Variants in KIF13B observed in about 807,000 individuals in gnomAD.
The protein encoded by KIF13B is kinesin-like protein KIF13B.
A neutral mutation model predicts 222.0 loss-of-function variants in KIF13B; 127 were observed. That is an observed-to-expected ratio of 0.57 (90% CI 0.50 to 0.66). The LOEUF (loss-of-function observed/expected upper bound fraction) is 0.66, where lower values mean the gene tolerates loss of function less well. KIF13B is among the 30% of genes least tolerant of loss of function. The pLI, the probability that KIF13B is intolerant of heterozygous loss-of-function variation, is 0.00. For synonymous variants in KIF13B, 976 were observed against 919.0 expected (o/e 1.06, Z -1.12); for missense variants, 2,173 against 2,379.0 (o/e 0.91, Z 1.80).
At chr8:29,110,118 C>T in intron 32 of KIF13B, 48 bp from the exon 33 acceptor site, 2 of 1,454,812 alleles carry the variant, frequency 1.4e-6, no homozygotes, top group Non-Finnish European at 1.9e-6. Flanking sequence ...GATGTACACA[C>T]ACACACGTAC....
chr8:29,160,595 C>G, intron 13 of KIF13B, 138 bp downstream of exon 13: 1 of 574,806 alleles, frequency 1.7e-6, no homozygotes, highest in Non-Finnish European at 2.7e-6. Context: ...AAAAAGAAAA[C>G]TGAGTCCAGA....
rs373624764 is a variant in KIF13B, at chr8:29,132,454, A to G, written c.2796T>C (p.Val932=). 2.2e-5 allele frequency: 33 copies of G among 1,521,022 alleles called. No individual in the cohort carries two copies. In the African/African-American group the frequency reaches 4.7e-4, roughly 21 times the overall value. 94.2% of individuals were successfully genotyped at this position (1,521,022 alleles called of 1,614,324 possible). A position where few individuals can be genotyped will look rare whatever the true frequency, so the allele number is the denominator to read the frequency against. Residue 932 remains valine (V), a synonymous_variant, in exon 23 of 40, where the codon GTT becomes GTC. Transcript: ENST00000524189. ...VVFDHCNEFS[V]NITEDFIEHL... ...GCTCGATAAAGTCTTCGGTGATGTT[A>G]ACAGAAAACTCCTGAAACACAACAG...
At chr8:29,260,230 C>T (rs993006450) in intron 1 of KIF13B, among the ~76,000 whole-genome samples, 19 of 152,224 alleles carry the variant, frequency 1.2e-4, no homozygotes, top group Admixed American at 1.1e-3. Flanking sequence ...CAGCTAACCA[C>T]CTTAAAACTC....
At chr8:29,179,916 G>T in intron 8 of KIF13B, among the ~76,000 whole-genome samples, 188 bp downstream of exon 8, 1 of 152,092 alleles carries the variant, frequency 6.6e-6, no homozygotes, top group Non-Finnish European at 1.5e-5. Flanking sequence ...AACAACCCTG[G>T]AATGACCTGC....
Position 29,071,348 on chromosome 8 carries a change from C to G in KIF13B, c.5218+272G>C, listed in dbSNP as rs139351461. Among the ~76,000 whole-genome samples, 1 of 151,996 alleles carries G rather than the reference C, an allele frequency of 6.6e-6. No individual in the cohort carries two copies. Among genetic ancestry groups the G allele is most frequent in the Non-Finnish European group, 1.5e-5 (1 of 67,958 alleles). On this transcript the variant is annotated intron_variant, in intron 39 of 39. Coordinates refer to ENST00000524189, the MANE Select transcript of KIF13B (RefSeq NM_015254.4). This position sits in a 1 kb window ranked among gnomAD's most constrained non-coding sequence, Gnocchi z 4.9. ...AGGGAGTGCAGAGGGCAGGGGAGAC[C>G]GGAACAAAAGCGGGAACAGCCATGG...
rs372723868 is a variant in KIF13B, at chr8:29,140,174, G to A, written c.2502C>T (p.His834=). The change falls in exon 21 of 40, where the codon CAC becomes CAT. Residue 834 remains histidine, a synonymous_variant. Coordinates refer to ENST00000524189, the MANE Select transcript of KIF13B (RefSeq NM_015254.4). ...CACCACTGAGTCGCATCACCTCCAC[G>A]TGCAGCCGACCTGCCACCTGCAGCA... The part of the protein sequence containing the change: ...NQKGEVAGRL[H]VEVMRLSGDV... 311 of 1,613,468 alleles carry A rather than the reference G, an allele frequency of 1.9e-4. 1 individual carries two copies. Among genetic ancestry groups the A allele is most frequent in the Middle Eastern group, 6.6e-4 (4 of 6,084 alleles).
chr8:29,187,937 C>T (rs1813013314), intron 5 of KIF13B, among the ~76,000 whole-genome samples: 1 of 152,204 alleles, frequency 6.6e-6, no homozygotes, highest in Non-Finnish European at 1.5e-5. Context: ...TGGCCAGCTG[C>T]AGGAGCAGGA....
At chr8:29,077,613 G>C (rs983044798) in intron 37 of KIF13B, among the ~76,000 whole-genome samples, 1 of 152,162 alleles carries the variant, frequency 6.6e-6, no homozygotes, top group African/African-American at 2.4e-5. Context: ...GATGTTAAGC[G>C]CCTAACATGA....
At chr8:29,240,137 A>ATT (rs145646100) in intron 2 of KIF13B, among the ~76,000 whole-genome samples, 2 of 148,296 alleles carry the variant, frequency 1.3e-5, no homozygotes, top group African/African-American at 2.5e-5. Context: ...TCCTTTTAAC[A>ATT]TTTTTTTTTT....
Position 29,165,786 on chromosome 8 carries a change from G to A in KIF13B, c.1159-14C>T. ...AGATTTCATTGCCTACAAGCAAAAT[G>A]TTTACTTCATGAAATGTCTAGAAGA... On this transcript the variant is annotated splice_polypyrimidine_tract_variant and intron_variant, in intron 11 of 39. Coordinates refer to ENST00000524189, the MANE Select transcript of KIF13B (RefSeq NM_015254.4). 1 of 1,562,468 alleles carries A rather than the reference G, an allele frequency of 6.4e-7. No homozygotes were observed. The highest frequency in any genetic ancestry group is 8.8e-7 in the Non-Finnish European group (1 of 1,133,432).
intron 1 of KIF13B, among the ~76,000 whole-genome samples, chr8:29,253,552 T>C (rs1816358145): frequency 6.6e-6 from 1 of 151,942 alleles, no homozygotes; most frequent in African/African-American, 2.4e-5. Flanking sequence ...TGAGACTCCA[T>C]CTCTAAACAA....
At chr8:29,187,962 G>A (rs1369749620) in intron 5 of KIF13B, among the ~76,000 whole-genome samples, 1 of 152,126 alleles carries the variant, frequency 6.6e-6, no homozygotes. Flanking sequence ...AGCTGTCGCC[G>A]CCTGGCCCCA....
rs1441356461 is a variant in KIF13B, at chr8:29,124,142, A to G, written c.3253-19T>C. The G allele has an allele frequency of 2.9e-6, 4 of 1,367,506 alleles. No homozygotes were observed. The African/African-American group carries it at 4.3e-5, about 15-fold the overall frequency. 84.7% of individuals were successfully genotyped at this position (1,367,506 alleles called of 1,614,324 possible). On this transcript the variant is annotated intron_variant, in intron 26 of 39. Transcript: ENST00000524189. Reference sequence around the variant, plus strand: ...CTCGATCCTGGAAGCAAGCAAGGAAAATCATATTCAATGTAATGTCAAGAT... The same window carrying G: ...CTCGATCCTGGAAGCAAGCAAGGAAGATCATATTCAATGTAATGTCAAGAT...
At chr8:29,141,273 G>C (rs1810806306) in intron 19 of KIF13B, among the ~76,000 whole-genome samples, 1 of 151,758 alleles carries the variant, frequency 6.6e-6, no homozygotes, top group Non-Finnish European at 1.5e-5. Context: ...GGCAGAGGAG[G>C]CAGTGAGCCA....
Position 29,137,581 on chromosome 8 carries a change from A to G in KIF13B, c.2613+2482T>C, listed in dbSNP as rs146239847. Among the ~76,000 whole-genome samples, 49 of 152,332 alleles carry G rather than the reference A, an allele frequency of 3.2e-4. 1 individual carries two copies. The East Asian group carries it at 9.2e-3, about 29-fold the overall frequency. Reference sequence around the variant, plus strand: ...ACTTCTTTGGGGGCTAATTACACTCACCACGCATGACATCTTAACTGTCTC... The same window carrying G: ...ACTTCTTTGGGGGCTAATTACACTCGCCACGCATGACATCTTAACTGTCTC... On this transcript the variant is annotated intron_variant, in intron 21 of 39. Transcript: ENST00000524189.
rs79423110 is a variant in KIF13B at position 29,208,435 on chromosome 8, T to C, written c.150-12236A>G. On this transcript the variant is annotated intron_variant, in intron 2 of 39. Transcript: ENST00000524189. ...TAAATAAAATGAAATCTGTGGTCCATGGTTGGGCCTCAGTGGGTCTGTGAA... is the reference window on the plus strand; with the variant it reads ...TAAATAAAATGAAATCTGTGGTCCACGGTTGGGCCTCAGTGGGTCTGTGAA... 5.2e-3 allele frequency among the ~76,000 whole-genome samples: 792 copies of C among 152,350 alleles called. 9 individuals are homozygous for C. Among genetic ancestry groups the C allele is most frequent in the African/African-American group, 0.018 (734 of 41,582 alleles).
intron 2 of KIF13B, among the ~76,000 whole-genome samples, chr8:29,201,203 A>G (rs1458220472): frequency 6.6e-6 from 1 of 152,230 alleles, no homozygotes; most frequent in Non-Finnish European, 1.5e-5. Context: ...GTGGATGACC[A>G]TGGATGAATG....
intron 2 of KIF13B, among the ~76,000 whole-genome samples, chr8:29,197,445 C>A (rs2130389545): frequency 6.6e-6 from 1 of 151,848 alleles, no homozygotes; most frequent in Non-Finnish European, 1.5e-5. Context: ...GCCCATAGAC[C>A]TTTCCTGCCA....
intron 2 of KIF13B, among the ~76,000 whole-genome samples, chr8:29,197,178 A>C: frequency 6.6e-6 from 1 of 151,316 alleles, no homozygotes; most frequent in Non-Finnish European, 1.5e-5. Context: ...TCTACTAAAA[A>C]TACAAAAAAT....
Sources: allele counts gnomAD v4.1 joint callset (sites outside exome capture counted in the v4.1 genomes callset), GRCh38; gene constraint gnomAD v4.1.1; non-coding constraint Gnocchi (gnomAD v3.1); transcripts MANE v1.5; gene names NCBI Gene and HGNC (gene_info 2026-07-23, HGNC 2026-07-21).